The following ABTB3 variants were observed in gnomAD, a reference collection of about 807,000 sequenced individuals.
ABTB3 encodes the protein ankyrin repeat- and BTB/POZ domain-containing protein 3.
chr12:107,624,904 G>T, the ABTB3 span, among the ~76,000 whole-genome samples: 2 of 152,178 alleles, frequency 1.3e-5, no homozygotes, highest in African/African-American at 4.8e-5. Flanking sequence ...TAAATAAACT[G>T]CCAAACTGTT....
the ABTB3 span, among the ~76,000 whole-genome samples, chr12:107,362,187 C>T: frequency 6.6e-6 from 1 of 152,164 alleles, no homozygotes; most frequent in Non-Finnish European, 1.5e-5. Flanking sequence ...ATACTGAATG[C>T]TACAATGAAG....
the ABTB3 span, among the ~76,000 whole-genome samples, chr12:107,540,497 G>A: frequency 6.6e-6 from 1 of 152,042 alleles, no homozygotes; most frequent in Admixed American, 6.5e-5. Context: ...GGCTATCTAG[G>A]TGTCCTTTAA....
At chr12:107,491,684 G>T in the ABTB3 span, among the ~76,000 whole-genome samples, 2 of 152,116 alleles carry the variant, frequency 1.3e-5, no homozygotes, top group Admixed American at 1.3e-4. Context: ...TTAACTAGAC[G>T]TGGTGGCATG....
chr12:107,336,281 C>G, the ABTB3 span, among the ~76,000 whole-genome samples: 1 of 152,222 alleles, frequency 6.6e-6, no homozygotes, highest in Non-Finnish European at 1.5e-5. Flanking sequence ...CTGACGTGAG[C>G]AAATGATGAC....
At chr12:107,550,279 C>T in the ABTB3 span, among the ~76,000 whole-genome samples, 2 of 152,090 alleles carry the variant, frequency 1.3e-5, no homozygotes, top group Non-Finnish European at 2.9e-5. Flanking sequence ...TGATGCTGGC[C>T]ATTGAACACT....
the ABTB3 span, among the ~76,000 whole-genome samples, chr12:107,599,372 G>A: frequency 6.6e-6 from 1 of 152,208 alleles, no homozygotes; most frequent in Admixed American, 6.5e-5. Flanking sequence ...AGATGGGATA[G>A]TTTGCTGAAG....
At chr12:107,548,311 G>A in the ABTB3 span, among the ~76,000 whole-genome samples, 1 of 152,180 alleles carries the variant, frequency 6.6e-6, no homozygotes, top group African/African-American at 2.4e-5. Context: ...AGCTCTTCAA[G>A]AACAGGGGCT....
At chr12:107,658,035 G>A in the ABTB3 span, 1 of 365,180 alleles carries the variant, frequency 2.7e-6, no homozygotes, top group Non-Finnish European at 5.1e-6. Context: ...AGGTCACTCA[G>A]GTTCCAGGTT....
At chr12:107,611,493 A>T in the ABTB3 span, among the ~76,000 whole-genome samples, 1 of 152,216 alleles carries the variant, frequency 6.6e-6, no homozygotes, top group Admixed American at 6.5e-5. Flanking sequence ...TTTTTTAAAA[A>T]TCACTTCTAA....
chr12:107,469,872 TTC>T, the ABTB3 span, among the ~76,000 whole-genome samples: 2 of 92,444 alleles, frequency 2.2e-5, no homozygotes, highest in African/African-American at 5.2e-5. Flanking sequence ...TTTCTTTTCT[TTC>T]TTTCTTTCTT....
the ABTB3 span, among the ~76,000 whole-genome samples, chr12:107,394,382 A>C: frequency 6.6e-6 from 1 of 152,192 alleles, no homozygotes; most frequent in Non-Finnish European, 1.5e-5. Flanking sequence ...AGTGAAAGGT[A>C]CTGTCATTAG....
chr12:107,521,452 C>T, the ABTB3 span, among the ~76,000 whole-genome samples: 7 of 152,212 alleles, frequency 4.6e-5, no homozygotes, highest in African/African-American at 1.7e-4. Flanking sequence ...CAAATGATTC[C>T]ATTTTAATTC....
At chr12:107,422,196 G>A in the ABTB3 span, among the ~76,000 whole-genome samples, 1 of 152,080 alleles carries the variant, frequency 6.6e-6, no homozygotes, top group South Asian at 2.1e-4. Context: ...ATGGAGGAAG[G>A]AACAAGCGTG....
chr12:107,617,234 C>T, the ABTB3 span: 1 of 1,613,550 alleles, frequency 6.2e-7, no homozygotes, highest in Non-Finnish European at 8.5e-7. Flanking sequence ...GCACCCTGGC[C>T]CTTGAAGTGC....
chr12:107,471,992 C>T, the ABTB3 span, among the ~76,000 whole-genome samples: 1 of 152,154 alleles, frequency 6.6e-6, no homozygotes, highest in Non-Finnish European at 1.5e-5. Flanking sequence ...CCTAGGGCCC[C>T]AGCCTGATGC....
the ABTB3 span, among the ~76,000 whole-genome samples, chr12:107,406,772 T>A: frequency 6.6e-6 from 1 of 151,998 alleles, no homozygotes; most frequent in Non-Finnish European, 1.5e-5. Flanking sequence ...ACGCAAAATA[T>A]AAACATGGAT....
chr12:107,516,993 T>A, the ABTB3 span, among the ~76,000 whole-genome samples: 2 of 152,252 alleles, frequency 1.3e-5, no homozygotes, highest in African/African-American at 4.8e-5. Flanking sequence ...CTAGGGTTTT[T>A]ATGGTTTTAG....
the ABTB3 span, chr12:107,649,269 A>C: frequency 6.2e-7 from 1 of 1,612,860 alleles, no homozygotes; most frequent in Non-Finnish European, 8.5e-7. Flanking sequence ...CAATGAGATC[A>C]TGGAGGTAAG....
chr12:107,397,736 A>C, the ABTB3 span, among the ~76,000 whole-genome samples: 2 of 152,166 alleles, frequency 1.3e-5, no homozygotes, highest in African/African-American at 4.8e-5. Context: ...TTTGTGTTTC[A>C]GTTTCATGTT....
Sources: allele counts gnomAD v4.1 joint callset (sites outside exome capture counted in the v4.1 genomes callset), GRCh38; gene constraint gnomAD v4.1.1; transcripts MANE v1.5; gene names NCBI Gene and HGNC (gene_info 2026-07-23, HGNC 2026-07-21).